Variants in FLVCR1 observed in about 807,000 individuals in gnomAD.
FLVCR1 encodes the protein choline/ethanolamine transporter FLVCR1.
A neutral mutation model predicts 53.6 loss-of-function variants in FLVCR1; 34 were observed. The ratio of observed to expected loss-of-function variants is 0.63; its 90% CI spans 0.48 to 0.84. The LOEUF (loss-of-function observed/expected upper bound fraction) is 0.84. FLVCR1 is among the 40% of genes least tolerant of loss of function. The pLI, the probability that FLVCR1 is intolerant of heterozygous loss-of-function variation, is 0.00. For missense variants in FLVCR1, 677 were observed against 696.7 expected (o/e 0.97, Z 0.32); for synonymous variants, 300 against 286.3 (o/e 1.05, Z -0.48).
chr1:212,866,204 C>T (rs10864013), intron 2 of FLVCR1, among the ~76,000 whole-genome samples: 104,171 of 151,372 alleles, frequency 0.69, 37,368 homozygotes, highest in East Asian at 1. Context: ...AGGCTGGTCT[C>T]GAACTTCTGA....
Position 212,858,478 on chromosome 1 carries a change from G to T in FLVCR1, c.26G>T (p.Gly9Val). MARPDDEE[G>V]AAVAPGHPLA... is the part of the protein sequence containing the mutation. Reference sequence around the variant, plus strand: ...ATGGCGCGGCCAGACGATGAGGAGGGGGCGGCGGTGGCGCCCGGACACCCG... The same window carrying T: ...ATGGCGCGGCCAGACGATGAGGAGGTGGCGGCGGTGGCGCCCGGACACCCG... Residue 9 changes from glycine to valine, a missense_variant, in exon 1 of 10, where the codon GGG becomes GTG. Physicochemically the swap from Gly to Val is moderately radical, Grantham distance 109. Coordinates refer to ENST00000366971, the MANE Select transcript of FLVCR1 (RefSeq NM_014053.4). The T allele has an allele frequency of 1.4e-6, 2 of 1,443,146 alleles. No individual in the cohort carries two copies. Among genetic ancestry groups the T allele is most frequent in the Non-Finnish European group, 1.8e-6 (2 of 1,103,080 alleles). 89.4% of individuals were successfully genotyped at this position (1,443,146 alleles called of 1,614,324 possible). A position where few individuals can be genotyped will look rare whatever the true frequency, so the allele number is the denominator to read the frequency against.
chr1:212,890,731 G>C (rs573600451), intron 8 of FLVCR1, among the ~76,000 whole-genome samples: 1 of 152,312 alleles, frequency 6.6e-6, no homozygotes, highest in South Asian at 2.1e-4. Context: ...TTATAACTTA[G>C]TTGGAGAATC....
At chr1:212,884,523 A>T (rs1240106801) in intron 4 of FLVCR1, among the ~76,000 whole-genome samples, 3 of 152,228 alleles carry the variant, frequency 2.0e-5, no homozygotes, top group Non-Finnish European at 2.9e-5. Context: ...AAGACAAAAC[A>T]TTTTAAGGGA....
rs768206151 is a variant in FLVCR1, at chr1:212,858,513, G to A, written c.61G>A (p.Gly21Arg). Residue 21 changes from glycine to arginine, a missense_variant, in exon 1 of 10, where the codon GGA (glycine) becomes AGA (arginine). Gly to Arg is a moderately radical substitution (Grantham distance 125, BLOSUM62 -2). Coordinates refer to ENST00000366971, the MANE Select transcript of FLVCR1 (RefSeq NM_014053.4). ...AVAPGHPLAK[G>R]YLPLPRGAPV... ...GGCGCCCGGACACCCGCTCGCGAAA[G>A]GATACCTCCCGTTGCCGAGGGGCGC... 6 of 1,456,042 alleles carry A rather than the reference G, an allele frequency of 4.1e-6. No homozygotes were observed. The highest frequency in any genetic ancestry group is 5.4e-6 in the Non-Finnish European group (6 of 1,106,820). 90.2% of individuals were successfully genotyped at this position (1,456,042 alleles called of 1,614,324 possible). A position where few individuals can be genotyped will look rare whatever the true frequency, so the allele number is the denominator to read the frequency against.
intron 3 of FLVCR1, among the ~76,000 whole-genome samples, chr1:212,877,686 G>GTTTTTTTTTTTTT (rs56783462): frequency 7.9e-6 from 1 of 127,186 alleles, no homozygotes; most frequent in Non-Finnish European, 1.6e-5. Context: ...TCTGATGATA[G>GTTTTTTTTTTTTT]TTTTTTTTTT....
intron 3 of FLVCR1, among the ~76,000 whole-genome samples, chr1:212,879,395 A>C (rs1015640369): frequency 3.1e-4 from 47 of 152,256 alleles, no homozygotes; most frequent in African/African-American, 1.1e-3. Context: ...TCCGTGCCTA[A>C]TATGATATAT....
intron 2 of FLVCR1, among the ~76,000 whole-genome samples, chr1:212,865,186 T>G (rs1405543576): frequency 6.6e-6 from 1 of 151,928 alleles, no homozygotes; most frequent in Non-Finnish European, 1.5e-5. Context: ...ACGTGCAGGT[T>G]TGTTACATAT....
At chr1:212,879,104 A>T (rs1400839916) in intron 3 of FLVCR1, among the ~76,000 whole-genome samples, 1 of 152,252 alleles carries the variant, frequency 6.6e-6, no homozygotes, top group African/African-American at 2.4e-5. Flanking sequence ...ATGCCAGTTA[A>T]TCCTTACAGG....
chr1:212,876,840 T>C (rs1310966395), intron 3 of FLVCR1, among the ~76,000 whole-genome samples: 1 of 152,230 alleles, frequency 6.6e-6, no homozygotes, highest in African/African-American at 2.4e-5. Flanking sequence ...TTATATTCCT[T>C]TGGGTGTGTA....
chr1:212,869,607 G>C (rs193055308), intron 2 of FLVCR1, among the ~76,000 whole-genome samples: 2 of 152,030 alleles, frequency 1.3e-5, no homozygotes, highest in South Asian at 4.1e-4. Flanking sequence ...GCGGTGGTGC[G>C]ACCTTGGCTC....
intron 1 of FLVCR1, among the ~76,000 whole-genome samples, chr1:212,861,466 G>T (rs1201003550): frequency 1.3e-5 from 2 of 152,076 alleles, no homozygotes; most frequent in African/African-American, 2.4e-5. Flanking sequence ...GTTTGCTTGG[G>T]ATAGTCCAGG....
At chr1:212,893,801 G>A (rs1464988940) in intron 8 of FLVCR1, among the ~76,000 whole-genome samples, 1 of 152,148 alleles carries the variant, frequency 6.6e-6, no homozygotes, top group African/African-American at 2.4e-5. Context: ...TTGAGATGGA[G>A]TTTCGCTCTT....
rs1212342443 is a variant in FLVCR1, at chr1:212,897,156, G to C, written c.*1866G>C. The stretch of plus-strand genomic sequence containing the variant: ...TGCACTCCAGCCTGGGAGATAAAGT[G>C]AGACTGTCTCAAATAAATAAATAAA... On this transcript the variant is annotated 3_prime_UTR_variant, in exon 10 of 10. Coordinates refer to ENST00000366971, the MANE Select transcript of FLVCR1 (RefSeq NM_014053.4). 2 of 148,836 alleles carry C rather than the reference G, an allele frequency of 1.3e-5. No homozygotes were observed. The highest frequency in any genetic ancestry group is 5.1e-5 in the African/African-American group (2 of 39,500). The allele number at this position is 148,836 out of a possible 1,614,324, so 9.2% of individuals were successfully genotyped here.
At chr1:212,875,264 C>T (rs578233849) in intron 3 of FLVCR1, among the ~76,000 whole-genome samples, 5 of 152,198 alleles carry the variant, frequency 3.3e-5, no homozygotes, top group South Asian at 4.1e-4. Context: ...ACAATATAGT[C>T]GGTATTTATC....
intron 2 of FLVCR1, among the ~76,000 whole-genome samples, chr1:212,871,632 CTT>C (rs1309619385): frequency 6.6e-6 from 1 of 152,158 alleles, no homozygotes; most frequent in Non-Finnish European, 1.5e-5. Context: ...GATGGACCCA[CTT>C]TGACCTCCCA....
chr1:212,886,826 C>T (rs1272660195), intron 5 of FLVCR1, among the ~76,000 whole-genome samples: 1 of 151,836 alleles, frequency 6.6e-6, no homozygotes, highest in Non-Finnish European at 1.5e-5. Context: ...AAAGAATATA[C>T]TCTGTTAATT....
intron 2 of FLVCR1, among the ~76,000 whole-genome samples, chr1:212,869,828 C>T (rs918488579): frequency 2.0e-5 from 3 of 152,240 alleles, no homozygotes; most frequent in African/African-American, 4.8e-5. Context: ...TGAGCCTCTG[C>T]GCCCAGCCAG....
chr1:212,867,259 A>G (rs2102543027), intron 2 of FLVCR1, among the ~76,000 whole-genome samples: 1 of 152,338 alleles, frequency 6.6e-6, no homozygotes, highest in South Asian at 2.1e-4. Flanking sequence ...TAACCCAAGC[A>G]TTCCACTGAA....
Position 212,876,704 on chromosome 1 carries a change from T to A in FLVCR1, c.1024+3886T>A, listed in dbSNP as rs1558114953. Among the ~76,000 whole-genome samples the A allele has an allele frequency of 1.3e-5, 2 of 152,306 alleles. 1 individual carries two copies. The highest frequency in any genetic ancestry group is 3.9e-4 in the East Asian group (2 of 5,184). ...TTTGGCTGCATAGTATTCCATGGTGTAAACATACCACATTTTCTTTATCCA... is the reference window on the plus strand; with the variant it reads ...TTTGGCTGCATAGTATTCCATGGTGAAAACATACCACATTTTCTTTATCCA... On this transcript the variant is annotated intron_variant, in intron 3 of 9. Transcript: ENST00000366971.
Sources: gnomAD v4.1 joint callset for allele counts (sites outside exome capture counted in the v4.1 genomes callset) on GRCh38, gnomAD v4.1.1 for gene constraint, MANE v1.5 for transcripts, NCBI Gene and HGNC (gene_info 2026-07-23, HGNC 2026-07-21) for gene names.